SCAF8: variants seen among roughly 807,000 people sequenced by gnomAD.
The protein encoded by SCAF8 is SR-related CTD associated factor 8.
In SCAF8, 23 loss-of-function variants were observed where a neutral mutation model predicts 140.5. That is an observed-to-expected ratio of 0.16 (90% CI 0.12 to 0.23). The LOEUF is 0.23. Ranked by LOEUF, SCAF8 falls within the 10% of genes least tolerant of loss-of-function variation. The pLI is 1.00. For missense variants in SCAF8, 1,397 were observed against 1,555.7 expected (o/e 0.90, Z 1.72); for synonymous variants, 575 against 528.9 (o/e 1.09, Z -1.20).
chr6:154,779,316 C>T (rs902078230), intron 3 of SCAF8, among the ~76,000 whole-genome samples: 2 of 152,134 alleles, frequency 1.3e-5, no homozygotes, highest in African/African-American at 4.8e-5. Flanking sequence ...GGATTATAGG[C>T]GTGAGCCACT....
At chr6:154,754,896 G>A (rs1778927997) in intron 1 of SCAF8, among the ~76,000 whole-genome samples, 1 of 152,072 alleles carries the variant, frequency 6.6e-6, no homozygotes, top group Non-Finnish European at 1.5e-5. Context: ...ATGTGCATTT[G>A]AAATCATTGT....
At chr6:154,756,895 G>T (rs1337056272) in intron 1 of SCAF8, among the ~76,000 whole-genome samples, 1 of 152,034 alleles carries the variant, frequency 6.6e-6, no homozygotes, top group Non-Finnish European at 1.5e-5. Context: ...GGACATGTTG[G>T]TGCATTCCTG....
chr6:154,742,150 T>A, intron 1 of SCAF8: 2 of 589,380 alleles, frequency 3.4e-6, no homozygotes, highest in East Asian at 3.0e-5. Context: ...TAGAATAGAT[T>A]GGTAGTCTTA....
intron 8 of SCAF8, among the ~76,000 whole-genome samples, chr6:154,804,512 A>G (rs1306930237): frequency 6.6e-6 from 1 of 152,124 alleles, no homozygotes; most frequent in Non-Finnish European, 1.5e-5. Context: ...ACTAATTGTT[A>G]TTATTGTGTG....
chr6:154,758,864 C>A (rs1295351630), intron 1 of SCAF8, among the ~76,000 whole-genome samples: 2 of 152,158 alleles, frequency 1.3e-5, no homozygotes, highest in East Asian at 3.8e-4. Context: ...TCCTTCCCTC[C>A]TCCTCTACAG....
intron 1 of SCAF8, among the ~76,000 whole-genome samples, chr6:154,739,286 C>T (rs1778507244): frequency 6.6e-6 from 1 of 152,108 alleles, no homozygotes; most frequent in South Asian, 2.1e-4. Flanking sequence ...GCCACTGCCC[C>T]TGGCCAGATT....
intron 3 of SCAF8, among the ~76,000 whole-genome samples, chr6:154,786,177 G>A (rs1777253033): frequency 6.6e-6 from 1 of 152,202 alleles, no homozygotes; most frequent in African/African-American, 2.4e-5. Context: ...AGATAATTTG[G>A]TGGGTAGGGG....
At chr6:154,819,176 A>G (rs1392531918) in intron 14 of SCAF8, among the ~76,000 whole-genome samples, 3 of 152,198 alleles carry the variant, frequency 2.0e-5, no homozygotes, top group Non-Finnish European at 4.4e-5. Flanking sequence ...CTGCAACTGA[A>G]TTAAAAACTT....
At chr6:154,780,206 T>C (rs1028090576) in intron 3 of SCAF8, among the ~76,000 whole-genome samples, 1 of 152,154 alleles carries the variant, frequency 6.6e-6, no homozygotes, top group African/African-American at 2.4e-5. Context: ...CTGGCAGTCA[T>C]TAACCTGTTC....
At chr6:154,770,139 A>G (rs1776693531) in intron 1 of SCAF8, among the ~76,000 whole-genome samples, 1 of 152,242 alleles carries the variant, frequency 6.6e-6, no homozygotes, top group East Asian at 1.9e-4. Context: ...TAGTTTAAGG[A>G]TCTTAGCTTA....
At chr6:154,828,330 T>C (rs1470638423) in intron 18 of SCAF8, among the ~76,000 whole-genome samples, 3 of 152,124 alleles carry the variant, frequency 2.0e-5, no homozygotes, top group East Asian at 3.8e-4. Context: ...TAGATGCTAT[T>C]TTTTTCTTTA....
At chr6:154,801,822 A>C in intron 6 of SCAF8, 149 bp from the exon 7 acceptor site, 1 of 508,902 alleles carries the variant, frequency 2.0e-6, no homozygotes, top group South Asian at 3.4e-5. Context: ...GGTACACAGA[A>C]AAACTTCAAA....
At chr6:154,823,844 A>T (rs1016746482) in intron 16 of SCAF8, among the ~76,000 whole-genome samples, 3 of 152,222 alleles carry the variant, frequency 2.0e-5, no homozygotes, top group Non-Finnish European at 4.4e-5. Context: ...CTAGGATTAG[A>T]AAATAAATTA....
chr6:154,784,120 G>GATAGATATATATATAT (rs1554260629), intron 3 of SCAF8, among the ~76,000 whole-genome samples: 1 of 106,884 alleles, frequency 9.4e-6, no homozygotes, highest in African/African-American at 3.2e-5. Context: ...GGTGTCTTGA[G>GATAGATATATATATAT]ATATATATAT....
chr6:154,742,644 G>C (rs1050718428), intron 1 of SCAF8, among the ~76,000 whole-genome samples: 1 of 152,042 alleles, frequency 6.6e-6, no homozygotes. Flanking sequence ...TTTTATAAGA[G>C]TTTCTGATAC....
chr6:154,788,953 ATGTT>A (rs1777331252), intron 4 of SCAF8, among the ~76,000 whole-genome samples: 2 of 152,190 alleles, frequency 1.3e-5, no homozygotes, highest in African/African-American at 4.8e-5. Flanking sequence ...ATGAAGATTC[ATGTT>A]TGTTTTATGG....
chr6:154,826,396 A>G (rs1665362600), intron 17 of SCAF8, among the ~76,000 whole-genome samples: 2 of 152,174 alleles, frequency 1.3e-5, no homozygotes, highest in Non-Finnish European at 2.9e-5. Flanking sequence ...TAAAAATAAA[A>G]TTAAATATGT....
intron 1 of SCAF8, among the ~76,000 whole-genome samples, chr6:154,737,680 C>T (rs773686536): frequency 6.6e-5 from 10 of 152,064 alleles, no homozygotes; most frequent in Non-Finnish European, 1.0e-4. Context: ...CTGGCCCGGG[C>T]AACAGTGCGA....
chr6:154,826,865 T>C (rs768649607), intron 17 of SCAF8, among the ~76,000 whole-genome samples: 5 of 152,184 alleles, frequency 3.3e-5, no homozygotes, highest in Admixed American at 6.5e-5. Flanking sequence ...AAATGGCATA[T>C]ATAAACAGTT....
Sources: gnomAD v4.1 joint callset for allele counts (sites outside exome capture counted in the v4.1 genomes callset) on GRCh38, gnomAD v4.1.1 for gene constraint, MANE v1.5 for transcripts, NCBI Gene and HGNC (gene_info 2026-07-23, HGNC 2026-07-21) for gene names.